The following FRMPD1 variants were observed in gnomAD, a reference collection of about 807,000 sequenced individuals.
FRMPD1 encodes FERM and PDZ domain-containing protein 1.
In FRMPD1, 76 loss-of-function variants were observed where a neutral mutation model predicts 117.8. The observed-to-expected ratio is 0.65, with a 90% CI of 0.54 to 0.78. The LOEUF (loss-of-function observed/expected upper bound fraction) is 0.78, where lower values mean the gene tolerates loss of function less well. Ranked by LOEUF, FRMPD1 falls within the 30% of genes least tolerant of loss-of-function variation. FRMPD1 has a pLI of 0.00. For synonymous variants in FRMPD1, 783 were observed against 770.4 expected (o/e 1.02, Z -0.27); for missense variants, 1,786 against 1,964.5 (o/e 0.91, Z 1.72).
intron 1 of FRMPD1, among the ~76,000 whole-genome samples, chr9:37,654,509 T>G (rs918824911): frequency 6.6e-5 from 10 of 152,238 alleles, no homozygotes; most frequent in African/African-American, 2.2e-4. Context: ...TTATTTAATC[T>G]TCTGAACTTC....
chr9:37,715,866 T>A (rs867289276), intron 5 of FRMPD1, among the ~76,000 whole-genome samples: 1 of 152,174 alleles, frequency 6.6e-6, no homozygotes, highest in Non-Finnish European at 1.5e-5. Context: ...AGAACGGCCC[T>A]TCTTCCCTGT....
chr9:37,723,916 T>C (rs1370671323), intron 6 of FRMPD1, among the ~76,000 whole-genome samples: 2 of 152,130 alleles, frequency 1.3e-5, no homozygotes, highest in East Asian at 3.9e-4. Context: ...GAGAATTTGC[T>C]TGAACCCAGG....
Position 37,672,736 on chromosome 9 carries a change from A to G in FRMPD1, c.-4-19902A>G, listed in dbSNP as rs529508345. On this transcript the variant is annotated intron_variant, in intron 1 of 15. Transcript: ENST00000377765. ...GGTTTAATTGGACTTACAGTTCCAC[A>G]GGCTGGGGAGGCCTCAGAATCATGG... 2.1e-3 allele frequency among the ~76,000 whole-genome samples: 316 copies of G among 152,272 alleles called. 2 individuals are homozygous for G. Among genetic ancestry groups the G allele is most frequent in the South Asian group, 0.011 (55 of 4,812 alleles).
chr9:37,612,419 G>T, the FRMPD1 span, among the ~76,000 whole-genome samples: 1 of 152,086 alleles, frequency 6.6e-6, no homozygotes, highest in African/African-American at 2.4e-5. Flanking sequence ...CGTGATCTCG[G>T]CTCACTGCAA....
At position 37,740,876 on chromosome 9, in the gene FRMPD1, C is replaced by A; in HGVS notation, c.2348C>A (p.Pro783His). The change falls in exon 15 of 16, where the codon CCC becomes CAC. Residue 783 changes from proline (P) to histidine (H), a missense_variant. Physicochemically the swap from Pro to His is moderately conservative, Grantham distance 77. Coordinates refer to ENST00000377765, the MANE Select transcript of FRMPD1 (RefSeq NM_014907.3). The surrounding 1 kb of genome is among the most constrained non-coding windows in gnomAD (Gnocchi z 4.2). ...DAADKLTPPG[P>H]PSGPRDVSTA... Reference sequence around the variant, plus strand: ...GCTGATAAGCTCACTCCCCCAGGCCCCCCGTCAGGTGAGCCGTCCCTTGCA... The same window carrying A: ...GCTGATAAGCTCACTCCCCCAGGCCACCCGTCAGGTGAGCCGTCCCTTGCA... 6.2e-7 allele frequency: 1 copy of A among 1,613,726 alleles called. No individual in the cohort carries two copies. Among genetic ancestry groups the A allele is most frequent in the Non-Finnish European group, 8.5e-7 (1 of 1,179,620 alleles).
At position 37,746,793 on chromosome 9, in the gene FRMPD1, C is replaced by T. The variant is rs1824752989; in HGVS notation, c.*24C>T. On this transcript the variant is annotated 3_prime_UTR_variant, in exon 16 of 16. Coordinates refer to ENST00000377765, the MANE Select transcript of FRMPD1 (RefSeq NM_014907.3). The stretch of plus-strand genomic sequence containing the variant: ...AAACAGGTCAACGGCCCAAGGGCCT[C>T]CTGCCCTGTCCTGCCTTGGACACTT... The T allele has an allele frequency of 2.0e-6, 3 of 1,521,020 alleles. No individual in the cohort carries two copies. The highest frequency in any genetic ancestry group is 2.7e-6 in the Non-Finnish European group (3 of 1,097,796). The allele number at this position is 1,521,020 out of a possible 1,614,324, so 94.2% of individuals were successfully genotyped here.
intron 1 of FRMPD1, among the ~76,000 whole-genome samples, chr9:37,676,066 A>G (rs1821517373): frequency 6.6e-6 from 1 of 152,248 alleles, no homozygotes; most frequent in Admixed American, 6.5e-5. Flanking sequence ...CCATCAGATC[A>G]AGCTTGTTTT....
At chr9:37,692,522 G>T in intron 1 of FRMPD1, 116 bp from the exon 2 acceptor site, 1 of 738,326 alleles carries the variant, frequency 1.4e-6, no homozygotes, top group Non-Finnish European at 2.4e-6. Context: ...GAGAACACTA[G>T]TTATTCGATT....
chr9:37,660,700 G>A (rs1183140941), intron 1 of FRMPD1, among the ~76,000 whole-genome samples: 1 of 152,072 alleles, frequency 6.6e-6, no homozygotes, highest in Non-Finnish European at 1.5e-5. Context: ...TCCAGACTTT[G>A]GGAGCCTTCC....
intron 1 of FRMPD1, among the ~76,000 whole-genome samples, chr9:37,659,269 C>G (rs1820927048): frequency 6.6e-6 from 1 of 152,208 alleles, no homozygotes; most frequent in South Asian, 2.1e-4. Context: ...GAACCCAGCT[C>G]TCCAGGGTCA....
the FRMPD1 span, among the ~76,000 whole-genome samples, chr9:37,616,189 G>A: frequency 1.4e-5 from 2 of 142,048 alleles, no homozygotes; most frequent in South Asian, 4.5e-4. Flanking sequence ...TATAATCTCA[G>A]CTCACTGCAA....
chr9:37,719,563 G>C (rs1279895389), intron 6 of FRMPD1, among the ~76,000 whole-genome samples: 1 of 152,222 alleles, frequency 6.6e-6, no homozygotes, highest in East Asian at 1.9e-4. Context: ...TTAGTTTTAA[G>C]AGTCCATCAT....
chr9:37,731,005 C>T lies in FRMPD1; in HGVS notation c.760C>T (p.His254Tyr). 6.2e-7 allele frequency: 1 copy of T among 1,613,882 alleles called. No homozygotes were observed. The highest frequency in any genetic ancestry group is 8.5e-7 in the Non-Finnish European group (1 of 1,179,800). ...IQQVVEREES[H>Y]DYRCLFRVCF... The stretch of plus-strand genomic sequence containing the variant: ...GCAGGTGGTAGAAAGGGAGGAGTCA[C>T]ATGACTACCGCTGCCTCTTCAGGGT... The change falls in exon 9 of 16, where the codon CAT becomes TAT. Residue 254 changes from histidine to tyrosine, a missense_variant. By Grantham distance (83) the His-to-Tyr change is moderately conservative (BLOSUM62 2). Transcript: ENST00000377765.
upstream of FRMPD1, among the ~76,000 whole-genome samples, chr9:37,647,470 C>T (rs913795211): frequency 2.7e-5 from 4 of 149,732 alleles, no homozygotes; most frequent in South Asian, 8.5e-4. Flanking sequence ...CGAGATCGCG[C>T]CACTGCACTC....
chr9:37,709,412 T>C (rs1479536307), intron 4 of FRMPD1, among the ~76,000 whole-genome samples: 1 of 151,310 alleles, frequency 6.6e-6, no homozygotes, highest in Non-Finnish European at 1.5e-5. Context: ...GGTCTCAAAC[T>C]CTTGGGCTCA....
At chr9:37,744,079 C>A (rs984435061) in intron 15 of FRMPD1, among the ~76,000 whole-genome samples, 1 of 151,922 alleles carries the variant, frequency 6.6e-6, no homozygotes, top group East Asian at 1.9e-4. Flanking sequence ...ATCTCAGCTA[C>A]TCCGGGGGGA....
chr9:37,620,024 G>A, the FRMPD1 span, among the ~76,000 whole-genome samples: 1 of 152,074 alleles, frequency 6.6e-6, no homozygotes, highest in Non-Finnish European at 1.5e-5. Flanking sequence ...CTGGGAGGCA[G>A]TTGGCAGCTG....
the FRMPD1 span, among the ~76,000 whole-genome samples, chr9:37,608,894 A>G: frequency 6.6e-6 from 1 of 152,188 alleles, no homozygotes; most frequent in Non-Finnish European, 1.5e-5. Flanking sequence ...GTGTTATTAT[A>G]TTATCCCAGT....
chr9:37,737,198 T>A lies in FRMPD1; in HGVS notation c.1504T>A (p.Trp502Arg). Residue 502 changes from tryptophan (W) to arginine (R), a missense_variant, in exon 14 of 16, where the codon TGG becomes AGG. Coordinates refer to ENST00000377765, the MANE Select transcript of FRMPD1 (RefSeq NM_014907.3). ...LVDPVTSIFL[W>R]PGNKQQAHRV... is the part of the protein sequence containing the mutation. ...TGACCCAGTTACCTCCATTTTCCTC[T>A]GGCCTGGAAACAAACAACAAGCGCA... The A allele has an allele frequency of 6.2e-7, 1 of 1,614,116 alleles. No homozygotes were observed. The highest frequency in any genetic ancestry group is 8.5e-7 in the Non-Finnish European group (1 of 1,180,008).
Sources: gnomAD v4.1 joint callset for allele counts (sites outside exome capture counted in the v4.1 genomes callset) on GRCh38, gnomAD v4.1.1 for gene constraint, Gnocchi (gnomAD v3.1) non-coding constraint, MANE v1.5 for transcripts, NCBI Gene and HGNC (gene_info 2026-07-23, HGNC 2026-07-21) for gene names.